WSCD2: variants seen among roughly 807,000 people sequenced by gnomAD.
WSCD2 encodes the protein WSC domain sialate O sulfotransferase 2.
WSCD2 carries 28 observed loss-of-function variants against 55.7 expected under a neutral mutation model. That is an observed-to-expected ratio of 0.50 (90% CI 0.37 to 0.69). WSCD2 has a LOEUF of 0.69. Ranked by LOEUF, WSCD2 falls within the 30% of genes least tolerant of loss-of-function variation. WSCD2 has a pLI of 0.00. For synonymous variants in WSCD2, 301 were observed against 301.9 expected, an observed-to-expected ratio of 1.00 and a Z score of 0.03; for missense variants, 616 against 762.1, an observed-to-expected ratio of 0.81 and a Z score of 2.26.
intron 1 of WSCD2, among the ~76,000 whole-genome samples, chr12:108,194,534 A>T (rs1365313): frequency 0.78 from 118,254 of 152,182 alleles, 46,491 homozygotes; most frequent in East Asian, 0.9. Context: ...ATCTGTAAAG[A>T]AGAGAAATAG....
chr12:108,222,066 G>A (rs1887591827), intron 4 of WSCD2, among the ~76,000 whole-genome samples: 1 of 152,092 alleles, frequency 6.6e-6, no homozygotes, highest in Admixed American at 6.5e-5. Context: ...GAATCACTAG[G>A]GAGTCTTTGA....
intron 2 of WSCD2, among the ~76,000 whole-genome samples, chr12:108,199,062 T>A (rs1884326970): frequency 6.6e-6 from 1 of 152,102 alleles, no homozygotes; most frequent in Admixed American, 6.5e-5. Context: ...GAAGAGAAAA[T>A]AAGAACATAG....
rs1875258948 is a variant in WSCD2 at position 108,129,517 on chromosome 12, A to C, written c.-961A>C. ...GCGGGGCCTCGCCGCGGCTCGGGGC[A>C]CCCGCAGTGCCGCCCGCCCGAGCGC... On this transcript the variant is annotated 5_prime_UTR_variant, in exon 1 of 9. Transcript: ENST00000547525. The C allele has an allele frequency of 6.6e-6, 1 of 151,110 alleles. No homozygotes were observed. The highest frequency in any genetic ancestry group is 1.5e-5 in the Non-Finnish European group (1 of 67,616). 9.4% of individuals were successfully genotyped at this position (151,110 alleles called of 1,614,324 possible). A position where few individuals can be genotyped will look rare whatever the true frequency, so the allele number is the denominator to read the frequency against.
At chr12:108,140,225 G>A (rs990925175) in intron 1 of WSCD2, among the ~76,000 whole-genome samples, 12 of 152,128 alleles carry the variant, frequency 7.9e-5, no homozygotes, top group African/African-American at 2.4e-4. Flanking sequence ...CCGTTTCCTC[G>A]TTTTAAAACT....
chr12:108,159,254 A>G (rs982161085), intron 1 of WSCD2, among the ~76,000 whole-genome samples: 2 of 152,092 alleles, frequency 1.3e-5, no homozygotes, highest in African/African-American at 4.8e-5. Flanking sequence ...CTGCTTCCCC[A>G]TCACAGCTCT....
chr12:108,159,026 G>A (rs191128442), intron 1 of WSCD2, among the ~76,000 whole-genome samples: 57 of 152,266 alleles, frequency 3.7e-4, no homozygotes, highest in Non-Finnish European at 2.1e-4. Context: ...CACATCTGAT[G>A]GTTAAAGACC....
intron 6 of WSCD2, among the ~76,000 whole-genome samples, chr12:108,232,464 C>G (rs1888873470): frequency 1.3e-5 from 2 of 152,130 alleles, no homozygotes; most frequent in Non-Finnish European, 2.9e-5. Context: ...TATTGGATCC[C>G]TACTATGGGC....
intron 2 of WSCD2, among the ~76,000 whole-genome samples, chr12:108,202,071 C>A (rs1884761727): frequency 6.6e-6 from 1 of 152,188 alleles, no homozygotes; most frequent in Non-Finnish European, 1.5e-5. Context: ...TCTGCTACCA[C>A]AGCAGGATTT....
chr12:108,217,876 GGA>G (rs1160174306), intron 4 of WSCD2, among the ~76,000 whole-genome samples: 1 of 152,114 alleles, frequency 6.6e-6, no homozygotes, highest in Non-Finnish European at 1.5e-5. Context: ...CTCTAAGCTG[GGA>G]GAGTCAGGGA....
At chr12:108,175,436 A>G (rs1047575206) in intron 1 of WSCD2, among the ~76,000 whole-genome samples, 1 of 152,244 alleles carries the variant, frequency 6.6e-6, no homozygotes, top group Non-Finnish European at 1.5e-5. Flanking sequence ...GCTTCCAGCC[A>G]GATAATCAGG....
At chr12:108,238,687 G>A (rs1889460868) in intron 7 of WSCD2, among the ~76,000 whole-genome samples, 1 of 152,184 alleles carries the variant, frequency 6.6e-6, no homozygotes, top group African/African-American at 2.4e-5. Flanking sequence ...GCCCAGAGAG[G>A]TGACATGATA....
intron 1 of WSCD2, among the ~76,000 whole-genome samples, chr12:108,155,999 C>T (rs562214715): frequency 8.5e-5 from 13 of 152,274 alleles, no homozygotes; most frequent in South Asian, 4.1e-4. Context: ...CACATACCAA[C>T]GAGCCATCTG....
intron 1 of WSCD2, chr12:108,189,633 A>C (rs976347808): frequency 2.6e-5 from 4 of 152,250 alleles, no homozygotes; most frequent in Admixed American, 6.5e-5. Flanking sequence ...TTGGAGCAGC[A>C]GGAATGCTCA....
At chr12:108,224,388 C>A (rs564537939) in intron 4 of WSCD2, among the ~76,000 whole-genome samples, 6 of 152,176 alleles carry the variant, frequency 3.9e-5, no homozygotes, top group Non-Finnish European at 5.9e-5. Context: ...TGTACTTGAT[C>A]ATTTCCCTGA....
chr12:108,171,096 G>C (rs1222459932), intron 1 of WSCD2, among the ~76,000 whole-genome samples: 1 of 152,202 alleles, frequency 6.6e-6, no homozygotes, highest in Non-Finnish European at 1.5e-5. Flanking sequence ...AGAGACACAA[G>C]TCACTCAAAT....
intron 8 of WSCD2, among the ~76,000 whole-genome samples, chr12:108,243,503 G>A (rs1191362375): frequency 6.6e-6 from 1 of 152,132 alleles, no homozygotes; most frequent in Admixed American, 6.5e-5. Context: ...CGAAGTGCTG[G>A]GATTACAGGC....
chr12:108,162,220 C>T (rs1337891150), intron 1 of WSCD2, among the ~76,000 whole-genome samples: 2 of 152,210 alleles, frequency 1.3e-5, no homozygotes, highest in Non-Finnish European at 2.9e-5. Context: ...ACGTTGGCCA[C>T]GTTGTTCTCA....
intron 1 of WSCD2, among the ~76,000 whole-genome samples, chr12:108,187,908 T>C (rs1882707695): frequency 6.6e-6 from 1 of 152,136 alleles, no homozygotes; most frequent in Non-Finnish European, 1.5e-5. Context: ...GCCATTCCTG[T>C]CCATAGTGGC....
At chr12:108,185,051 C>A (rs1194933875) in intron 1 of WSCD2, among the ~76,000 whole-genome samples, 2 of 152,120 alleles carry the variant, frequency 1.3e-5, no homozygotes, top group Non-Finnish European at 2.9e-5. Flanking sequence ...AATTAAGGGT[C>A]AGCAAATACT....
Sources: allele counts gnomAD v4.1 joint callset (sites outside exome capture counted in the v4.1 genomes callset), GRCh38; gene constraint gnomAD v4.1.1; transcripts MANE v1.5; gene names NCBI Gene and HGNC (gene_info 2026-07-23, HGNC 2026-07-21).